Variants in CREB3L2 observed in about 807,000 individuals in gnomAD.
CREB3L2 encodes the protein cyclic AMP-responsive element-binding protein 3-like protein 2.
In CREB3L2, 23 loss-of-function variants were observed where a neutral mutation model predicts 57.2. That is an observed-to-expected ratio of 0.40 (90% confidence interval 0.29 to 0.57). The LOEUF is 0.57. Among genes scored for constraint, CREB3L2 ranks in the 20% least tolerant of loss-of-function variants. The pLI, the probability that CREB3L2 is intolerant of heterozygous loss-of-function variation, is 0.42. For synonymous variants in CREB3L2, 268 were observed against 265.1 expected (o/e 1.01, Z -0.11); for missense variants, 628 against 634.7 (o/e 0.99, Z 0.11).
At chr7:137,970,248 A>T (rs1002235768) in intron 1 of CREB3L2, among the ~76,000 whole-genome samples, 1 of 152,266 alleles carries the variant, frequency 6.6e-6, no homozygotes, top group African/African-American at 2.4e-5. Flanking sequence ...ATATAAGAAA[A>T]GACAGGATGT....
intron 1 of CREB3L2, among the ~76,000 whole-genome samples, chr7:137,962,060 C>T (rs148944702): frequency 1.2e-4 from 19 of 152,256 alleles, no homozygotes; most frequent in Non-Finnish European, 2.6e-4. Flanking sequence ...GCGACCCCAC[C>T]GAAGTCAGGA....
intron 8 of CREB3L2, among the ~76,000 whole-genome samples, chr7:137,890,989 C>G (rs1411691503): frequency 2.6e-5 from 4 of 152,180 alleles, no homozygotes; most frequent in Admixed American, 2.0e-4. Flanking sequence ...GTGATCATGG[C>G]TAATTATGGC....
chr7:137,921,557 T>A lies in CREB3L2; in HGVS notation c.320-5545A>T, dbSNP rs531576791. Among the ~76,000 whole-genome samples, 121 of 152,278 alleles carry A rather than the reference T, an allele frequency of 7.9e-4. 1 individual carries two copies. The highest frequency in any genetic ancestry group is 2.8e-3 in the African/African-American group (118 of 41,548). On this transcript the variant is annotated intron_variant, in intron 2 of 11. Coordinates refer to ENST00000330387, the MANE Select transcript of CREB3L2 (RefSeq NM_194071.4). ...AATAGCAACATCAAAATGCAGATCT[T>A]CCATCATTTCCATAGGTGCCACGTA...
At chr7:137,913,102 A>G in intron 3 of CREB3L2, 24 bp from the exon 4 acceptor site, 3 of 1,608,550 alleles carry the variant, frequency 1.9e-6, no homozygotes, top group South Asian at 1.1e-5. Context: ...TTCAAACACA[A>G]TTTTTAAAAA....
rs77039060 is a variant in CREB3L2 at position 137,932,605 on chromosome 7, C to A, written c.103-4239G>T. ...CAACAACAACAACAACAACAAAAAACTCACACCACCAGTCCTTCTATGCTC... is the reference window on the plus strand; with the variant it reads ...CAACAACAACAACAACAACAAAAAAATCACACCACCAGTCCTTCTATGCTC... On this transcript the variant is annotated intron_variant, in intron 1 of 11. Transcript: ENST00000330387. 7.3e-3 allele frequency among the ~76,000 whole-genome samples: 1,112 copies of A among 152,126 alleles called. 13 individuals are homozygous for A. The highest frequency in any genetic ancestry group is 0.026 in the African/African-American group (1,069 of 41,524).
intron 1 of CREB3L2, among the ~76,000 whole-genome samples, chr7:137,939,317 T>C (rs1239751584): frequency 1.3e-5 from 2 of 152,154 alleles, no homozygotes; most frequent in Non-Finnish European, 2.9e-5. Context: ...GCAGGACCCC[T>C]TCCCAGGCAC....
At chr7:137,905,678 A>T in intron 6 of CREB3L2, 24 bp downstream of exon 6, 1 of 1,612,934 alleles carries the variant, frequency 6.2e-7, no homozygotes, top group Non-Finnish European at 8.5e-7. Context: ...CTGCTCTAGA[A>T]GTGCCTAGAT....
At chr7:137,947,705 T>C (rs965563401) in intron 1 of CREB3L2, among the ~76,000 whole-genome samples, 4 of 152,204 alleles carry the variant, frequency 2.6e-5, no homozygotes, top group African/African-American at 9.7e-5. Flanking sequence ...CAAGACCAAG[T>C]TGAGTTTTTT....
chr7:137,915,885 G>A lies in CREB3L2; in HGVS notation c.447C>T (p.Ile149=). 6.2e-7 allele frequency: 1 copy of A among 1,614,162 alleles called. No homozygotes were observed. Among genetic ancestry groups the A allele is most frequent in the Non-Finnish European group, 8.5e-7 (1 of 1,180,012 alleles). Residue 149 remains isoleucine (I), a synonymous_variant, in exon 3 of 12, where the codon ATC becomes ATT. Coordinates refer to ENST00000330387, the MANE Select transcript of CREB3L2 (RefSeq NM_194071.4). Reference sequence around the variant, plus strand: ...GTTCCTCCTTTTCCAACGGGGTGGAGATGGCTGTGATGGTCAGAGTGACAG... The same window carrying A: ...GTTCCTCCTTTTCCAACGGGGTGGAAATGGCTGTGATGGTCAGAGTGACAG... The part of the protein sequence containing the change: ...VPSVTLTITA[I]STPLEKEEPP...
intron 1 of CREB3L2, among the ~76,000 whole-genome samples, chr7:137,948,631 T>C (rs1801042824): frequency 6.6e-6 from 1 of 152,196 alleles, no homozygotes; most frequent in South Asian, 2.1e-4. Context: ...AAGAGGATCA[T>C]CTTGGCTATT....
At chr7:137,886,103 C>A (rs1799413742) in intron 8 of CREB3L2, among the ~76,000 whole-genome samples, 1 of 152,204 alleles carries the variant, frequency 6.6e-6, no homozygotes, top group South Asian at 2.1e-4. Context: ...TTATCTTGGA[C>A]TTCCCAGCCT....
intron 1 of CREB3L2, among the ~76,000 whole-genome samples, chr7:137,971,154 T>TA (rs1239568501): frequency 1.0e-4 from 15 of 148,784 alleles, no homozygotes; most frequent in East Asian, 7.9e-4. Flanking sequence ...GAATTATGTT[T>TA]AAAAAAAAAA....
chr7:137,901,018 C>T (rs777503309), intron 8 of CREB3L2, among the ~76,000 whole-genome samples: 5 of 152,138 alleles, frequency 3.3e-5, no homozygotes, highest in Admixed American at 6.5e-5. Flanking sequence ...TGATCAGCTT[C>T]TTCTTCAATC....
intron 1 of CREB3L2, among the ~76,000 whole-genome samples, chr7:137,976,594 A>G (rs1445865793): frequency 6.6e-6 from 1 of 152,214 alleles, no homozygotes; most frequent in Non-Finnish European, 1.5e-5. Context: ...AAACCTACCC[A>G]TTGACATATT....
chr7:137,902,852 T>C (rs1398647670), intron 7 of CREB3L2, among the ~76,000 whole-genome samples: 2 of 152,098 alleles, frequency 1.3e-5, no homozygotes, highest in Non-Finnish European at 2.9e-5. Context: ...AGTCTCACTC[T>C]ATCATCAAGG....
chr7:137,929,784 G>C (rs946505494), intron 1 of CREB3L2, among the ~76,000 whole-genome samples: 1 of 150,472 alleles, frequency 6.6e-6, no homozygotes, highest in South Asian at 2.1e-4. Flanking sequence ...CAGGAGAATC[G>C]CTTGAACCTA....
intron 1 of CREB3L2, among the ~76,000 whole-genome samples, chr7:137,971,953 T>G (rs35163763): frequency 0.13 from 20,070 of 150,880 alleles, 1,614 homozygotes; most frequent in Admixed American, 0.25. Flanking sequence ...AAATAATGGC[T>G]AAGTATTAAA....
intron 9 of CREB3L2, 37 bp downstream of exon 9, chr7:137,885,366 A>AGG: frequency 6.5e-7 from 1 of 1,548,880 alleles, no homozygotes; most frequent in South Asian, 1.1e-5. Context: ...GGGCCAGGCC[A>AGG]GGGGCGGTCA....
chr7:137,954,476 T>G (rs1801168657), intron 1 of CREB3L2, among the ~76,000 whole-genome samples: 1 of 152,188 alleles, frequency 6.6e-6, no homozygotes, highest in African/African-American at 2.4e-5. Context: ...GGCTTTCTAT[T>G]TTCAGAAAAC....
Sources: allele counts gnomAD v4.1 joint callset (sites outside exome capture counted in the v4.1 genomes callset), GRCh38; gene constraint gnomAD v4.1.1; transcripts MANE v1.5; gene names NCBI Gene and HGNC (gene_info 2026-07-23, HGNC 2026-07-21).